Variants in GRK7 observed in about 807,000 individuals in gnomAD.
The protein encoded by GRK7 is rhodopsin kinase GRK7.
In GRK7, 24 loss-of-function variants were observed where a neutral mutation model predicts 34.1. The ratio of observed to expected loss-of-function variants is 0.70; its 90% CI spans 0.51 to 0.99. GRK7 has a LOEUF of 0.99. Ranked by LOEUF, GRK7 falls within the 50% of genes least tolerant of loss-of-function variation. GRK7 has a pLI of 0.00. For synonymous variants in GRK7, 256 were observed against 279.4 expected, an observed-to-expected ratio of 0.92 and a Z score of 0.84; for missense variants, 644 against 707.3, an observed-to-expected ratio of 0.91 and a Z score of 1.02.
rs77779998 is a variant in GRK7 at position 141,785,290 on chromosome 3, A to G, written c.1050+4479A>G. On this transcript the variant is annotated intron_variant, in intron 4 of 5. Transcript: ENST00000682958. Reference sequence around the variant, plus strand: ...AAGTTGGGATTTCTTTCTACTAAATATAACAGAATACCAGATTTTGGTATA... The same window carrying G: ...AAGTTGGGATTTCTTTCTACTAAATGTAACAGAATACCAGATTTTGGTATA... Among the ~76,000 whole-genome samples the G allele has an allele frequency of 5.2e-3, 787 of 152,326 alleles. 2 individuals carry two copies. Among genetic ancestry groups the G allele is most frequent in the African/African-American group, 0.018 (755 of 41,570 alleles).
intron 1 of GRK7, among the ~76,000 whole-genome samples, chr3:141,770,944 G>A (rs372646580): frequency 1.4e-5 from 2 of 146,628 alleles, no homozygotes; most frequent in Non-Finnish European, 3.0e-5. Flanking sequence ...GCACTAAGCC[G>A]TGATCACACC....
chr3:141,796,337 T>C (rs563021355), intron 4 of GRK7, among the ~76,000 whole-genome samples: 2 of 152,314 alleles, frequency 1.3e-5, no homozygotes, highest in East Asian at 3.9e-4. Flanking sequence ...ACTGCCTGCC[T>C]TTAGCGTTGA....
Position 141,778,951 on chromosome 3 carries a change from G to T in GRK7, c.612+55G>T, listed in dbSNP as rs1367191311. On this transcript the variant is annotated intron_variant, in intron 3 of 5. Transcript: ENST00000682958. This position sits in a 1 kb window ranked among gnomAD's most constrained non-coding sequence, Gnocchi z 4.1. Reference sequence around the variant, plus strand: ...GGTGAAGCATAGAGCATGAAAGGGGGTAATGTTGCCTTTCTTTTTTTAAAT... The same window carrying T: ...GGTGAAGCATAGAGCATGAAAGGGGTTAATGTTGCCTTTCTTTTTTTAAAT... 4 of 1,483,820 alleles carry T rather than the reference G, an allele frequency of 2.7e-6. No individual in the cohort carries two copies. Among genetic ancestry groups the T allele is most frequent in the Non-Finnish European group, 3.6e-6 (4 of 1,101,522 alleles). The allele number at this position is 1,483,820 out of a possible 1,614,324, so 91.9% of individuals were successfully genotyped here.
At chr3:141,776,746 G>A (rs916791810) in intron 2 of GRK7, among the ~76,000 whole-genome samples, 1 of 152,230 alleles carries the variant, frequency 6.6e-6, no homozygotes, top group Non-Finnish European at 1.5e-5. Flanking sequence ...TTCACAAAGT[G>A]TATGCTAGCA....
chr3:141,805,206 G>A (rs1711018417), intron 4 of GRK7, among the ~76,000 whole-genome samples: 1 of 152,110 alleles, frequency 6.6e-6, no homozygotes, highest in Admixed American at 6.6e-5. Context: ...TGACCTGTCT[G>A]TCTCTACCAG....
chr3:141,762,514 T>A, upstream of GRK7, among the ~76,000 whole-genome samples: 1 of 147,258 alleles, frequency 6.8e-6, no homozygotes, highest in Non-Finnish European at 1.5e-5. Context: ...ACTGCTCTCT[T>A]CAAAGCTGTC....
chr3:141,813,846 A>T (rs1457301210), intron 5 of GRK7, among the ~76,000 whole-genome samples: 1 of 152,248 alleles, frequency 6.6e-6, no homozygotes, highest in Non-Finnish European at 1.5e-5. Flanking sequence ...GCAGAAGCAC[A>T]TAAAGGAGTC....
At chr3:141,779,209 C>CTA (rs1300984374) in intron 3 of GRK7, among the ~76,000 whole-genome samples, 1 of 151,872 alleles carries the variant, frequency 6.6e-6, no homozygotes, top group African/African-American at 2.4e-5. Flanking sequence ...TCTCCGTTTC[C>CTA]CCTAAATTGT....
rs1044806548 is a variant in GRK7, at chr3:141,818,257, G to A, written c.*1207G>A. Reference sequence around the variant, plus strand: ...AGCACTTTGGGAGGCCAAGGCAGATGGATCATGAGGTCAGGGGCTCAAGAC... The same window carrying A: ...AGCACTTTGGGAGGCCAAGGCAGATAGATCATGAGGTCAGGGGCTCAAGAC... On this transcript the variant is annotated 3_prime_UTR_variant, in exon 6 of 6. Coordinates refer to ENST00000682958, the MANE Select transcript of GRK7 (RefSeq NM_139209.3). 1 of 152,134 alleles carries A rather than the reference G, an allele frequency of 6.6e-6. No individual in the cohort carries two copies. The highest frequency in any genetic ancestry group is 1.5e-5 in the Non-Finnish European group (1 of 68,068). The allele number at this position is 152,134 out of a possible 1,614,324, so 9.4% of individuals were successfully genotyped here.
intron 1 of GRK7, among the ~76,000 whole-genome samples, chr3:141,773,123 G>T (rs1472669924): frequency 7.5e-6 from 1 of 132,484 alleles, no homozygotes; most frequent in African/African-American, 3.0e-5. Context: ...CCAACAGAGC[G>T]AGACTTTGTC....
chr3:141,817,753 T>C lies in GRK7; in HGVS notation c.*703T>C, dbSNP rs377464470. 3 of 152,250 alleles carry C rather than the reference T, an allele frequency of 2.0e-5. No individual in the cohort carries two copies. The highest frequency in any genetic ancestry group is 4.4e-5 in the Non-Finnish European group (3 of 68,048). The allele number at this position is 152,250 out of a possible 1,614,324, so 9.4% of individuals were successfully genotyped here. On this transcript the variant is annotated 3_prime_UTR_variant, in exon 6 of 6. Coordinates refer to ENST00000682958, the MANE Select transcript of GRK7 (RefSeq NM_139209.3). ...AATTGCTTCAACTTGCACTACCATATGCCATCGGTTCCCAAACTCTGCTGA... is the reference window on the plus strand; with the variant it reads ...AATTGCTTCAACTTGCACTACCATACGCCATCGGTTCCCAAACTCTGCTGA...
intron 4 of GRK7, among the ~76,000 whole-genome samples, chr3:141,794,521 C>A (rs549087742): frequency 3.9e-5 from 6 of 152,344 alleles, no homozygotes; most frequent in African/African-American, 1.4e-4. Flanking sequence ...AGGGGCCAGA[C>A]GGAACCTGGC....
chr3:141,755,508 G>C, the GRK7 span, among the ~76,000 whole-genome samples: 1 of 152,212 alleles, frequency 6.6e-6, no homozygotes, highest in African/African-American at 2.4e-5. Flanking sequence ...TTATTAAAGA[G>C]GTGGATATTG....
chr3:141,774,151 A>C (rs2084628447), intron 1 of GRK7, among the ~76,000 whole-genome samples: 2 of 152,186 alleles, frequency 1.3e-5, no homozygotes, highest in African/African-American at 4.8e-5. Flanking sequence ...AAAGTGTTCC[A>C]GCCGGGCATG....
intron 4 of GRK7, among the ~76,000 whole-genome samples, chr3:141,801,689 T>C (rs1356143079): frequency 1.3e-5 from 2 of 152,200 alleles, no homozygotes; most frequent in Non-Finnish European, 2.9e-5. Flanking sequence ...TTTGTTTTAG[T>C]GTGTTTTCTA....
intron 2 of GRK7, among the ~76,000 whole-genome samples, chr3:141,777,230 C>T (rs890318532): frequency 2.6e-5 from 4 of 151,950 alleles, no homozygotes; most frequent in African/African-American, 9.7e-5. Context: ...CATTCAGAGC[C>T]CAGACACTCC....
chr3:141,760,144 T>C (rs2084548767), upstream of GRK7, among the ~76,000 whole-genome samples: 1 of 152,010 alleles, frequency 6.6e-6, no homozygotes. Flanking sequence ...GGTTATTTCT[T>C]GCCTTCTGCT....
chr3:141,786,634 T>G (rs140824212), intron 4 of GRK7, among the ~76,000 whole-genome samples: 5 of 151,818 alleles, frequency 3.3e-5, no homozygotes, highest in African/African-American at 1.2e-4. Context: ...AAAAATTAGC[T>G]GGGCATGATG....
At chr3:141,804,824 CACAT>C (rs954303249) in intron 4 of GRK7, among the ~76,000 whole-genome samples, 13 of 151,206 alleles carry the variant, frequency 8.6e-5, no homozygotes, top group African/African-American at 3.2e-4. Flanking sequence ...CAAACATGCT[CACAT>C]ACACTCACAT....
Sources: gnomAD v4.1 joint callset for allele counts (sites outside exome capture counted in the v4.1 genomes callset) on GRCh38, gnomAD v4.1.1 for gene constraint, Gnocchi (gnomAD v3.1) non-coding constraint, MANE v1.5 for transcripts, NCBI Gene and HGNC (gene_info 2026-07-23, HGNC 2026-07-21) for gene names.